RBMS3: variants seen among roughly 807,000 people sequenced by gnomAD.
RBMS3 encodes the protein RNA-binding motif, single-stranded-interacting protein 3.
A neutral mutation model predicts 66.8 loss-of-function variants in RBMS3; 27 were observed. That is an observed-to-expected ratio of 0.40 (90% CI 0.30 to 0.56). The LOEUF (loss-of-function observed/expected upper bound fraction) is 0.56, where lower values mean the gene tolerates loss of function less well. RBMS3 is among the 20% of genes least tolerant of loss of function. The pLI, the probability that RBMS3 is intolerant of heterozygous loss-of-function variation, is 0.40. For missense variants in RBMS3, 513 were observed against 549.5 expected (o/e 0.93, Z 0.66); for synonymous variants, 188 against 183.0 (o/e 1.03, Z -0.22).
At chr3:29,669,001 T>C (rs2050882050) in intron 4 of RBMS3, among the ~76,000 whole-genome samples, 1 of 152,170 alleles carries the variant, frequency 6.6e-6, no homozygotes, top group South Asian at 2.1e-4. Flanking sequence ...TCCCACTTAG[T>C]TGATGGAAGT....
chr3:29,540,186 G>T (rs1422760095), intron 3 of RBMS3, among the ~76,000 whole-genome samples: 1 of 152,132 alleles, frequency 6.6e-6, no homozygotes, highest in Non-Finnish European at 1.5e-5. Flanking sequence ...ACATAAAGGG[G>T]ATATTTTTAT....
At chr3:29,282,134 GTTC>G (rs2031854387) in intron 1 of RBMS3, among the ~76,000 whole-genome samples, 1 of 152,114 alleles carries the variant, frequency 6.6e-6, no homozygotes, top group Non-Finnish European at 1.5e-5. Context: ...CTGGTGAGCT[GTTC>G]TTTGATTGTG....
At chr3:29,739,241 CAGG>C (rs1375992545) in intron 4 of RBMS3, among the ~76,000 whole-genome samples, 8 of 152,014 alleles carry the variant, frequency 5.3e-5, no homozygotes, top group Non-Finnish European at 7.4e-5. Context: ...ATCACTAAGT[CAGG>C]AGGAGATGGA....
At chr3:29,416,266 C>T (rs1404068340) in intron 1 of RBMS3, among the ~76,000 whole-genome samples, 1 of 152,028 alleles carries the variant, frequency 6.6e-6, no homozygotes, top group Non-Finnish European at 1.5e-5. Context: ...TGCAGGTTTG[C>T]CTAGAAGCTG....
chr3:29,663,222 T>C (rs2050624058), intron 4 of RBMS3, among the ~76,000 whole-genome samples: 1 of 151,996 alleles, frequency 6.6e-6, no homozygotes, highest in Non-Finnish European at 1.5e-5. Context: ...TAAATCATCT[T>C]CATGAACATT....
chr3:29,917,071 C>A (rs189202455), intron 10 of RBMS3, among the ~76,000 whole-genome samples: 2 of 152,146 alleles, frequency 1.3e-5, no homozygotes, highest in East Asian at 3.9e-4. Flanking sequence ...ATTCATTCAA[C>A]ATACATTTTT....
intron 4 of RBMS3, among the ~76,000 whole-genome samples, chr3:29,733,757 A>ATTAGCCCGTTTTTGCTT (rs2054241823): frequency 6.6e-6 from 1 of 152,096 alleles, no homozygotes. Context: ...ATACAGTCCC[A>ATTAGCCCGTTTTTGCTT]TTAGCCCGTT....
intron 4 of RBMS3, among the ~76,000 whole-genome samples, chr3:29,623,358 C>T (rs553089677): frequency 3.3e-5 from 5 of 151,836 alleles, no homozygotes; most frequent in Admixed American, 2.0e-4. Flanking sequence ...TTTGGGACGC[C>T]GAGGCAGGCG....
At chr3:29,635,885 A>C (rs766299919) in intron 4 of RBMS3, among the ~76,000 whole-genome samples, 1 of 151,852 alleles carries the variant, frequency 6.6e-6, no homozygotes, top group African/African-American at 2.4e-5. Flanking sequence ...CTATGGGTCC[A>C]GGTGGAAGAA....
chr3:29,610,014 T>C (rs2048441494), intron 4 of RBMS3, among the ~76,000 whole-genome samples: 1 of 152,124 alleles, frequency 6.6e-6, no homozygotes. Flanking sequence ...CAGCCTTTTC[T>C]CATAAGTAGA....
At chr3:29,755,971 A>G (rs900168277) in intron 5 of RBMS3, among the ~76,000 whole-genome samples, 1 of 152,168 alleles carries the variant, frequency 6.6e-6, no homozygotes, top group Non-Finnish European at 1.5e-5. Context: ...TCTCCTAACT[A>G]TTAAAAATAA....
rs758929169 is a variant in RBMS3, at chr3:29,679,087, A to G, written c.400-60633A>G. ...AGAATCACCTGGGAGCTTGTCAGAA[A>G]TGAAAATTCATGGGCACCACCTAGA... On this transcript the variant is annotated intron_variant, in intron 4 of 14. Coordinates refer to ENST00000383767, the MANE Select transcript of RBMS3 (RefSeq NM_001003793.3). Among the ~76,000 whole-genome samples, 5 of 152,232 alleles carry G rather than the reference A, an allele frequency of 3.3e-5. No individual in the cohort carries two copies. The South Asian group carries it at 6.2e-4, about 19-fold the overall frequency.
At chr3:29,643,681 C>T (rs1162975613) in intron 4 of RBMS3, among the ~76,000 whole-genome samples, 1 of 152,042 alleles carries the variant, frequency 6.6e-6, no homozygotes, top group African/African-American at 2.4e-5. Context: ...GTTTGTGGGC[C>T]ATTTTTCATG....
At chr3:29,359,244 G>GT (rs1450634646) in intron 1 of RBMS3, among the ~76,000 whole-genome samples, 1 of 152,006 alleles carries the variant, frequency 6.6e-6, no homozygotes, top group Non-Finnish European at 1.5e-5. Flanking sequence ...TTATTGAGAG[G>GT]TTTTAGCATG....
chr3:29,756,914 T>G (rs1168231101), intron 5 of RBMS3, among the ~76,000 whole-genome samples: 1 of 152,206 alleles, frequency 6.6e-6, no homozygotes, highest in African/African-American at 2.4e-5. Context: ...CATATATCAG[T>G]GTCTTCACCA....
At chr3:29,369,859 G>A (rs970074818) in intron 1 of RBMS3, among the ~76,000 whole-genome samples, 3 of 152,068 alleles carry the variant, frequency 2.0e-5, no homozygotes, top group Admixed American at 1.3e-4. Context: ...ATTCTACCCC[G>A]ATTTACAGTG....
chr3:29,839,153 C>A (rs2058603982), intron 6 of RBMS3, among the ~76,000 whole-genome samples: 1 of 152,092 alleles, frequency 6.6e-6, no homozygotes, highest in South Asian at 2.1e-4. Flanking sequence ...TGGTGACAGC[C>A]AATAATTATT....
At chr3:29,592,952 G>A (rs1469801068) in intron 4 of RBMS3, among the ~76,000 whole-genome samples, 2 of 132,538 alleles carry the variant, frequency 1.5e-5, no homozygotes, top group Non-Finnish European at 3.1e-5. Context: ...GGTGGGAATT[G>A]AACAATGAGA....
At chr3:29,743,096 A>G (rs2054713736) in intron 5 of RBMS3, among the ~76,000 whole-genome samples, 1 of 152,192 alleles carries the variant, frequency 6.6e-6, no homozygotes, top group South Asian at 2.1e-4. Flanking sequence ...TAATTAGCCT[A>G]ATTTGATGGG....
Sources: allele counts gnomAD v4.1 joint callset (sites outside exome capture counted in the v4.1 genomes callset), GRCh38; gene constraint gnomAD v4.1.1; transcripts MANE v1.5; gene names NCBI Gene and HGNC (gene_info 2026-07-23, HGNC 2026-07-21).